The following TTC28 variants were observed in gnomAD, a reference collection of about 807,000 sequenced individuals.
TTC28 encodes tetratricopeptide repeat protein 28.
TTC28 carries 61 observed loss-of-function variants against 198.0 expected under a neutral mutation model. The ratio of observed to expected loss-of-function variants is 0.31; its 90% CI spans 0.25 to 0.38. The LOEUF is 0.38. Among genes scored for constraint, TTC28 ranks in the 10% least tolerant of loss-of-function variants. The pLI, the probability that TTC28 is intolerant of heterozygous loss-of-function variation, is 1.00. For synonymous variants in TTC28, 1,171 were observed against 1,297.8 expected (o/e 0.90, Z 2.10); for missense variants, 2,678 against 3,164.0 (o/e 0.85, Z 3.69).
At chr22:28,411,150 A>G (rs545267141) in intron 2 of TTC28, among the ~76,000 whole-genome samples, 1 of 152,204 alleles carries the variant, frequency 6.6e-6, no homozygotes, top group East Asian at 1.9e-4. Flanking sequence ...ATTATTTTTT[A>G]AAAAATCGAT....
intron 14 of TTC28, among the ~76,000 whole-genome samples, chr22:28,003,839 C>G (rs1342929306): frequency 6.6e-6 from 1 of 152,200 alleles, no homozygotes; most frequent in South Asian, 2.1e-4. Context: ...CAACACTCCA[C>G]CAGGGGTGGG....
chr22:28,079,523 A>C (rs1941271066), intron 12 of TTC28, among the ~76,000 whole-genome samples: 1 of 152,010 alleles, frequency 6.6e-6, no homozygotes, highest in Non-Finnish European at 1.5e-5. Flanking sequence ...CCTCCTACCC[A>C]TCCCTGAGGA....
chr22:28,196,180 T>C (rs200412218), intron 5 of TTC28, among the ~76,000 whole-genome samples: 1 of 150,934 alleles, frequency 6.6e-6, no homozygotes, highest in African/African-American at 2.4e-5. Flanking sequence ...AAAACAAGAA[T>C]TGGGGAAAGG....
chr22:28,105,173 C>G, intron 8 of TTC28, 106 bp downstream of exon 8: 1 of 1,229,064 alleles, frequency 8.1e-7, no homozygotes, highest in South Asian at 1.5e-5. Context: ...TTACTCCACA[C>G]AGAGGTGGCC....
At chr22:28,167,328 C>A (rs963267008) in intron 5 of TTC28, among the ~76,000 whole-genome samples, 4 of 152,200 alleles carry the variant, frequency 2.6e-5, no homozygotes, top group African/African-American at 9.7e-5. Flanking sequence ...TCTTATGAGG[C>A]CAGCATTATC....
intron 1 of TTC28, among the ~76,000 whole-genome samples, chr22:28,647,004 G>A (rs1405566889): frequency 2.0e-5 from 3 of 152,154 alleles, no homozygotes; most frequent in Admixed American, 2.0e-4. Flanking sequence ...TGTACTAACT[G>A]GAATGGCATG....
chr22:28,495,675 C>G (rs2048444996), intron 2 of TTC28, among the ~76,000 whole-genome samples: 1 of 152,032 alleles, frequency 6.6e-6, no homozygotes. Flanking sequence ...AAATGAAGAT[C>G]TCAGGACAAT....
At position 28,627,495 on chromosome 22, in the gene TTC28, G is replaced by A. The variant is rs555738036; in HGVS notation, c.381+2057C>T. Among the ~76,000 whole-genome samples, 9 of 147,924 alleles carry A rather than the reference G, an allele frequency of 6.1e-5. No individual in the cohort carries two copies. The East Asian group carries it at 1.2e-3, about 20-fold the overall frequency. Reference sequence around the variant, plus strand: ...TGCCCAGGCTGGAGTGCAGTGGTGCGATCTCAGCTCACTGCAACCTCTGCC... The same window carrying A: ...TGCCCAGGCTGGAGTGCAGTGGTGCAATCTCAGCTCACTGCAACCTCTGCC... On this transcript the variant is annotated intron_variant, in intron 2 of 22. Coordinates refer to ENST00000397906, the MANE Select transcript of TTC28 (RefSeq NM_001145418.2).
At chr22:28,515,007 T>C (rs2048756352) in intron 2 of TTC28, among the ~76,000 whole-genome samples, 1 of 152,238 alleles carries the variant, frequency 6.6e-6, no homozygotes, top group African/African-American at 2.4e-5. Context: ...AATACACACT[T>C]GATGGCTCTC....
At chr22:28,004,101 C>T (rs1024472702) in intron 14 of TTC28, among the ~76,000 whole-genome samples, 2 of 152,196 alleles carry the variant, frequency 1.3e-5, no homozygotes, top group Non-Finnish European at 2.9e-5. Context: ...AGCCCCAGAA[C>T]GGGGAAAGCC....
intron 2 of TTC28, among the ~76,000 whole-genome samples, chr22:28,391,051 T>C (rs2046710502): frequency 6.6e-6 from 1 of 152,086 alleles, no homozygotes; most frequent in Non-Finnish European, 1.5e-5. Context: ...TGACAAAATC[T>C]CTCAGCATTT....
In TTC28 at chr22:28,512,462, A is replaced by G. The variant is rs928690265; in HGVS notation, c.381+117090T>C. The stretch of plus-strand genomic sequence containing the variant: ...AGGAATATAAACCATTCTATTATAA[A>G]GATACATGTATGTATATGTTCACTG... On this transcript the variant is annotated intron_variant, in intron 2 of 22. Coordinates refer to ENST00000397906, the MANE Select transcript of TTC28 (RefSeq NM_001145418.2). Among the ~76,000 whole-genome samples the G allele has an allele frequency of 3.9e-5, 6 of 152,236 alleles. No homozygotes were observed. The East Asian group carries it at 1.2e-3, about 29-fold the overall frequency.
intron 12 of TTC28, among the ~76,000 whole-genome samples, chr22:28,038,465 T>C (rs952679629): frequency 3.3e-5 from 5 of 152,174 alleles, no homozygotes; most frequent in African/African-American, 9.6e-5. Context: ...TGGCTAGCCA[T>C]ATGTAGAAAG....
At chr22:28,580,044 A>G (rs2050213468) in intron 2 of TTC28, among the ~76,000 whole-genome samples, 1 of 152,116 alleles carries the variant, frequency 6.6e-6, no homozygotes, top group Non-Finnish European at 1.5e-5. Context: ...CTAGATAAAC[A>G]GATTATTTCA....
At chr22:28,032,952 G>A (rs1209493816) in intron 12 of TTC28, among the ~76,000 whole-genome samples, 1 of 152,208 alleles carries the variant, frequency 6.6e-6, no homozygotes, top group Non-Finnish European at 1.5e-5. Context: ...GTGAAGGCTT[G>A]AAAGGCTCCT....
chr22:28,223,402 T>C lies in TTC28; in HGVS notation c.934-59803A>G, dbSNP rs892723712. On this transcript the variant is annotated intron_variant, in intron 5 of 22. Coordinates refer to ENST00000397906, the MANE Select transcript of TTC28 (RefSeq NM_001145418.2). ...TCTTCTTCAAAAGAAGAAATTGAAA[T>C]TGAGAAAATATTTACTTCTACTATT... Among the ~76,000 whole-genome samples the C allele has an allele frequency of 2.6e-5, 4 of 152,330 alleles. No homozygotes were observed. The South Asian group carries it at 8.3e-4, about 32-fold the overall frequency.
intron 1 of TTC28, among the ~76,000 whole-genome samples, chr22:28,648,094 G>T (rs1482329466): frequency 6.6e-6 from 1 of 151,234 alleles, no homozygotes; most frequent in Non-Finnish European, 1.5e-5. Flanking sequence ...CATGGTAGTG[G>T]GCGCCTGTAG....
At chr22:28,043,888 G>C (rs1381292138) in intron 12 of TTC28, among the ~76,000 whole-genome samples, 3 of 152,166 alleles carry the variant, frequency 2.0e-5, no homozygotes, top group African/African-American at 7.2e-5. Context: ...CTGCACACCA[G>C]AGCAAGATGT....
chr22:28,393,206 A>T (rs2046762517), intron 2 of TTC28, among the ~76,000 whole-genome samples: 1 of 152,082 alleles, frequency 6.6e-6, no homozygotes, highest in Admixed American at 6.6e-5. Context: ...TTCAAACTAG[A>T]TGATCAGTTC....
Sources: gnomAD v4.1 joint callset for allele counts (sites outside exome capture counted in the v4.1 genomes callset) on GRCh38, gnomAD v4.1.1 for gene constraint, MANE v1.5 for transcripts, NCBI Gene and HGNC (gene_info 2026-07-23, HGNC 2026-07-21) for gene names.